PCDHGA3: variants seen among roughly 807,000 people sequenced by gnomAD.
PCDHGA3 encodes the protein protocadherin gamma subfamily A, 3.
A neutral mutation model predicts 58.5 loss-of-function variants in PCDHGA3; 40 were observed. The observed-to-expected ratio is 0.68, with a 90% CI of 0.53 to 0.89. The LOEUF (loss-of-function observed/expected upper bound fraction) is 0.89. Ranked by LOEUF, PCDHGA3 falls within the 40% of genes least tolerant of loss-of-function variation. The pLI is 0.00. For synonymous variants in PCDHGA3, 530 were observed against 525.7 expected (o/e 1.01, Z -0.11); for missense variants, 1,223 against 1,195.9 (o/e 1.02, Z -0.33).
At position 141,412,987 on chromosome 5, in the gene PCDHGA3, A is replaced by G. The variant is rs192699644; in HGVS notation, c.2424+66530A>G. The G allele has an allele frequency of 3.7e-3, 2,104 of 564,638 alleles. 8 individuals carry two copies. Among genetic ancestry groups the G allele is most frequent in the Admixed American group, 0.011 (308 of 27,526 alleles). 35.0% of individuals were successfully genotyped at this position (564,638 alleles called of 1,614,324 possible). ...AGGAGAGAAAACGCAGCCAGAGCTCAATCCGGATTCTCAGGGCTTCAACTA... is the reference window on the plus strand; with the variant it reads ...AGGAGAGAAAACGCAGCCAGAGCTCGATCCGGATTCTCAGGGCTTCAACTA... On this transcript the variant is annotated intron_variant, in intron 1 of 3. Transcript: ENST00000253812.
In PCDHGA3 at chr5:141,485,031, C is replaced by A; in HGVS notation, c.2425-9776C>A. On this transcript the variant is annotated intron_variant, in intron 1 of 3. Coordinates refer to ENST00000253812, the MANE Select transcript of PCDHGA3 (RefSeq NM_018916.4). The surrounding 1 kb of genome is among the most constrained non-coding windows in gnomAD (Gnocchi z 5.7). Reference sequence around the variant, plus strand: ...TACCCCGCCACCAGCAAAAACGGCGCGTAACCCTTGCGGCGCCGGCCGAAC... The same window carrying A: ...TACCCCGCCACCAGCAAAAACGGCGAGTAACCCTTGCGGCGCCGGCCGAAC... The A allele has an allele frequency of 1.5e-6, 1 of 680,514 alleles. No homozygotes were observed. Among genetic ancestry groups the A allele is most frequent in the South Asian group, 1.8e-5 (1 of 54,868 alleles). 42.2% of individuals were successfully genotyped at this position (680,514 alleles called of 1,614,324 possible). A position where few individuals can be genotyped will look rare whatever the true frequency, so the allele number is the denominator to read the frequency against.
intron 1 of PCDHGA3, chr5:141,382,987 C>G: frequency 6.2e-7 from 1 of 1,613,278 alleles, no homozygotes; most frequent in Non-Finnish European, 8.5e-7. Context: ...CTGGGCAGGA[C>G]GTATTCTCTA....
intron 1 of PCDHGA3, chr5:141,427,254 G>A (rs1013561568): frequency 1.8e-5 from 8 of 456,644 alleles, no homozygotes; most frequent in Non-Finnish European, 2.6e-5. Flanking sequence ...GGATGGTGGA[G>A]GCATGACCAG....
At chr5:141,411,045 T>G (rs1409162601) in intron 1 of PCDHGA3, 1 of 159,716 alleles carries the variant, frequency 6.3e-6, no homozygotes, top group Non-Finnish European at 1.4e-5. Flanking sequence ...AGACATGGGG[T>G]TTCACTATGT....
Position 141,453,270 on chromosome 5 carries a change from T to C in PCDHGA3, c.2425-41537T>C, listed in dbSNP as rs1592250907. 4.6e-5 allele frequency among the ~76,000 whole-genome samples: 7 copies of C among 152,146 alleles called. No homozygotes were observed. In the South Asian group the frequency reaches 1.5e-3, roughly 32 times the overall value. On this transcript the variant is annotated intron_variant, in intron 1 of 3. Transcript: ENST00000253812. The stretch of plus-strand genomic sequence containing the variant: ...CTGGGGCTGCAAGTGCACACCACCA[T>C]GACTGGCTAATTTTTTAATTATTTA...
intron 2 of PCDHGA3, 36 bp from the exon 3 acceptor site, chr5:141,505,357 T>A (rs1026098450): frequency 6.2e-7 from 1 of 1,613,762 alleles, no homozygotes; most frequent in African/African-American, 1.3e-5. Context: ...TGTGCCGGCC[T>A]GGGAGTCTGT....
chr5:141,458,171 A>G (rs548935841), intron 1 of PCDHGA3, among the ~76,000 whole-genome samples: 74 of 152,336 alleles, frequency 4.9e-4, no homozygotes, highest in African/African-American at 1.6e-3. Flanking sequence ...TCACAGTAGT[A>G]TACCTTACTT....
Position 141,413,313 on chromosome 5 carries a change from C to T in PCDHGA3, c.2424+66856C>T, listed in dbSNP as rs1346034749. The T allele has an allele frequency of 1.9e-6, 3 of 1,613,842 alleles. No homozygotes were observed. The African/African-American group carries it at 4.0e-5, about 22-fold the overall frequency. On this transcript the variant is annotated intron_variant, in intron 1 of 3. Transcript: ENST00000253812. The stretch of plus-strand genomic sequence containing the variant: ...CAATTCCTGAGGAATTAGAGAAAGG[C>T]TCTTTCGTGGGCAACATCTCCAAGG...
At position 141,431,007 on chromosome 5, in the gene PCDHGA3, G is replaced by C. The variant is rs149559471; in HGVS notation, c.2425-63800G>C. On this transcript the variant is annotated intron_variant, in intron 1 of 3. Transcript: ENST00000253812. This position sits in a 1 kb window ranked among gnomAD's most constrained non-coding sequence, Gnocchi z 4.8. Reference sequence around the variant, plus strand: ...TTCGCCCTGAATCCGCGCAGCGGCAGCTTGGTCACGGCGGGCAGGATAGAC... The same window carrying C: ...TTCGCCCTGAATCCGCGCAGCGGCACCTTGGTCACGGCGGGCAGGATAGAC... 10 of 1,614,050 alleles carry C rather than the reference G, an allele frequency of 6.2e-6. No homozygotes were observed. The highest frequency in any genetic ancestry group is 8.5e-6 in the Non-Finnish European group (10 of 1,180,018).
chr5:141,403,339 C>A, intron 1 of PCDHGA3: 2 of 1,614,010 alleles, frequency 1.2e-6, no homozygotes, highest in Non-Finnish European at 1.7e-6. Flanking sequence ...TTAACGACAG[C>A]GCCCCAAAGT....
Position 141,477,932 on chromosome 5 carries a change from C to T in PCDHGA3, c.2425-16875C>T. 1 of 1,614,158 alleles carries T rather than the reference C, an allele frequency of 6.2e-7. No homozygotes were observed. The highest frequency in any genetic ancestry group is 8.5e-7 in the Non-Finnish European group (1 of 1,180,034). ...CGCGGATGCAGGGCACAATGCCTGGCTCTCCTACAGTCTCTTGGGATCCCC... is the reference window on the plus strand; with the variant it reads ...CGCGGATGCAGGGCACAATGCCTGGTTCTCCTACAGTCTCTTGGGATCCCC... On this transcript the variant is annotated intron_variant, in intron 1 of 3. Coordinates refer to ENST00000253812, the MANE Select transcript of PCDHGA3 (RefSeq NM_018916.4). This position sits in a 1 kb window ranked among gnomAD's most constrained non-coding sequence, Gnocchi z 4.9.
chr5:141,345,995 C>G lies in PCDHGA3; in HGVS notation c.1962C>G (p.Leu654=). The G allele has an allele frequency of 6.2e-7, 1 of 1,613,442 alleles. No homozygotes were observed. The highest frequency in any genetic ancestry group is 8.5e-7 in the Non-Finnish European group (1 of 1,179,822). Residue 654 remains leucine, a synonymous_variant, in exon 1 of 4, where the codon CTC becomes CTG. Transcript: ENST00000253812. The part of the protein sequence containing the change: ...VAVQDHGQPP[L]SATVTLTVAV... ...TCCAGGACCACGGCCAGCCCCCTCT[C>G]TCCGCCACTGTCACGCTCACCGTGG...
rs2099883697 is a variant in PCDHGA3, at chr5:141,511,284, G to T, written c.*111G>T. On this transcript the variant is annotated 3_prime_UTR_variant, in exon 4 of 4. Coordinates refer to ENST00000253812, the MANE Select transcript of PCDHGA3 (RefSeq NM_018916.4). ...AGGGCTAACCCCCAGAATACTGGTA[G>T]GGGCCAAGGCCATGCTCCCCTTGGG... 6.5e-7 allele frequency: 1 copy of T among 1,528,258 alleles called. No homozygotes were observed. Among genetic ancestry groups the T allele is most frequent in the African/African-American group, 1.4e-5 (1 of 72,674 alleles). 94.7% of individuals were successfully genotyped at this position (1,528,258 alleles called of 1,614,324 possible). A position where few individuals can be genotyped will look rare whatever the true frequency, so the allele number is the denominator to read the frequency against.
chr5:141,422,838 C>G, intron 1 of PCDHGA3: 3 of 1,614,252 alleles, frequency 1.9e-6, no homozygotes, highest in African/African-American at 2.7e-5. Flanking sequence ...TAGCACGTGA[C>G]AGCGGGGACC....
Position 141,360,422 on chromosome 5 carries a change from G to A in PCDHGA3, c.2424+13965G>A, listed in dbSNP as rs1042149116. The stretch of plus-strand genomic sequence containing the variant: ...GACAGAATAGACCGAGAACAGATAT[G>A]CGGGAAGCAGCCTCTGTGTGTTCTG... On this transcript the variant is annotated intron_variant, in intron 1 of 3. Coordinates refer to ENST00000253812, the MANE Select transcript of PCDHGA3 (RefSeq NM_018916.4). The A allele has an allele frequency of 1.1e-5, 17 of 1,613,872 alleles. No individual in the cohort carries two copies. The highest frequency in any genetic ancestry group is 1.4e-5 in the Non-Finnish European group (17 of 1,179,902).
intron 1 of PCDHGA3, chr5:141,374,742 C>T (rs1382250910): frequency 8.7e-6 from 14 of 1,611,846 alleles, no homozygotes; most frequent in African/African-American, 1.3e-5. Flanking sequence ...GGCGGCGACC[C>T]TGTCCGCTCA....
Position 141,388,949 on chromosome 5 carries a change from G to A in PCDHGA3, c.2424+42492G>A. The A allele has an allele frequency of 6.2e-7, 1 of 1,613,986 alleles. No homozygotes were observed. The highest frequency in any genetic ancestry group is 8.5e-7 in the Non-Finnish European group (1 of 1,179,876). On this transcript the variant is annotated intron_variant, in intron 1 of 3. Coordinates refer to ENST00000253812, the MANE Select transcript of PCDHGA3 (RefSeq NM_018916.4). ...TCCAGTCTCTACCCAACCTAATTAT[G>A]GAGGACGCCGAGCTGGGAACACATA...
chr5:141,346,660 A>G, intron 1 of PCDHGA3: 1 of 742,914 alleles, frequency 1.3e-6, no homozygotes, highest in Non-Finnish European at 2.2e-6. Context: ...TAGGGAAAAA[A>G]TAATACATCG....
chr5:141,404,002 A>T, intron 1 of PCDHGA3: 1 of 1,613,928 alleles, frequency 6.2e-7, no homozygotes, highest in Non-Finnish European at 8.5e-7. Flanking sequence ...TGACCATTAC[A>T]TCTCTGTTTA....
Sources: allele counts gnomAD v4.1 joint callset (sites outside exome capture counted in the v4.1 genomes callset), GRCh38; gene constraint gnomAD v4.1.1; non-coding constraint Gnocchi (gnomAD v3.1); transcripts MANE v1.5; gene names NCBI Gene and HGNC (gene_info 2026-07-23, HGNC 2026-07-21).